CAMSAP2: variants seen among roughly 807,000 people sequenced by gnomAD.
CAMSAP2 encodes calmodulin-regulated spectrin-associated protein 2.
CAMSAP2 carries 26 observed loss-of-function variants against 146.1 expected under a neutral mutation model. The observed-to-expected ratio is 0.18, with a 90% CI of 0.13 to 0.25. The LOEUF (loss-of-function observed/expected upper bound fraction) is 0.25, where lower values mean the gene tolerates loss of function less well. Ranked by LOEUF, CAMSAP2 falls within the 10% of genes least tolerant of loss-of-function variation. The pLI is 1.00. For missense variants in CAMSAP2, 1,381 were observed against 1,759.3 expected (o/e 0.78, Z 3.85); for synonymous variants, 499 against 596.6 (o/e 0.84, Z 2.38).
intron 4 of CAMSAP2, among the ~76,000 whole-genome samples, chr1:200,819,838 G>A (rs1432827558): frequency 5.3e-5 from 8 of 152,050 alleles, no homozygotes; most frequent in Non-Finnish European, 1.2e-4. Flanking sequence ...ATATCTAGGA[G>A]TACCTTCTAG....
At chr1:200,746,089 G>C (rs752821141) in intron 1 of CAMSAP2, among the ~76,000 whole-genome samples, 25 of 152,206 alleles carry the variant, frequency 1.6e-4, no homozygotes, top group Non-Finnish European at 3.4e-4. Flanking sequence ...ATCATCAGAA[G>C]ATTTGTTTTT....
chr1:200,744,914 T>C (rs1664278645), intron 1 of CAMSAP2, among the ~76,000 whole-genome samples: 1 of 151,908 alleles, frequency 6.6e-6, no homozygotes, highest in Non-Finnish European at 1.5e-5. Flanking sequence ...GACAGAATTA[T>C]GTGAAGGGTG....
chr1:200,849,450 TACA>T lies in CAMSAP2; in HGVS notation c.2686_2688del (p.Gln896del). 1 of 1,614,238 alleles carries T rather than the reference TACA, an allele frequency of 6.2e-7. No homozygotes were observed. Among genetic ancestry groups the T allele is most frequent in the Non-Finnish European group, 8.5e-7 (1 of 1,180,026 alleles). On this transcript the variant is annotated inframe_deletion, in exon 11 of 17. Coordinates refer to ENST00000358823, the MANE Select transcript of CAMSAP2 (RefSeq NM_203459.4). This position sits in a 1 kb window ranked among gnomAD's most constrained non-coding sequence, Gnocchi z 6.3. ...AAGTTAAATTCATCCCTGCATTTTCTACAACAAGAAATGCAACGCTTGTCACTT... is the reference window on the plus strand; with the variant it reads ...AAGTTAAATTCATCCCTGCATTTTCTACAAGAAATGCAACGCTTGTCACTT...
At chr1:200,844,276 G>C (rs146575426) in intron 7 of CAMSAP2, among the ~76,000 whole-genome samples, 1 of 151,930 alleles carries the variant, frequency 6.6e-6, no homozygotes, top group South Asian at 2.1e-4. Context: ...TTGGCTGGGC[G>C]TGGTGGCTTA....
chr1:200,787,532 A>G lies in CAMSAP2; in HGVS notation c.400-19844A>G, dbSNP rs183444989. On this transcript the variant is annotated intron_variant, in intron 2 of 16. Coordinates refer to ENST00000358823, the MANE Select transcript of CAMSAP2 (RefSeq NM_203459.4). The stretch of plus-strand genomic sequence containing the variant: ...TTGTCTGGATGAGGAGTTGCTTCTT[A>G]CAGATGAGCAAAGTGGTTTCTTGTG... 4.6e-3 allele frequency among the ~76,000 whole-genome samples: 702 copies of G among 152,348 alleles called. 3 individuals are homozygous for G. The highest frequency in any genetic ancestry group is 7.9e-3 in the Non-Finnish European group (535 of 68,036).
At position 200,847,632 on chromosome 1, in the gene CAMSAP2, A is replaced by G; in HGVS notation, c.1193-8A>G. Reference sequence around the variant, plus strand: ...ATTTCAATGGCTTTTTCTTTTTTGCATTTGAAGGAGGAATTAGAAGGTCTT... The same window carrying G: ...ATTTCAATGGCTTTTTCTTTTTTGCGTTTGAAGGAGGAATTAGAAGGTCTT... On this transcript the variant is annotated splice_polypyrimidine_tract_variant and splice_region_variant and intron_variant, in intron 9 of 16. Coordinates refer to ENST00000358823, the MANE Select transcript of CAMSAP2 (RefSeq NM_203459.4). The G allele has an allele frequency of 2.5e-6, 4 of 1,604,760 alleles. No homozygotes were observed. Among genetic ancestry groups the G allele is most frequent in the Non-Finnish European group, 3.4e-6 (4 of 1,175,988 alleles).
intron 2 of CAMSAP2, among the ~76,000 whole-genome samples, chr1:200,778,984 A>G (rs1424052481): frequency 6.6e-6 from 1 of 152,184 alleles, no homozygotes; most frequent in Non-Finnish European, 1.5e-5. Flanking sequence ...AGAGACCTGA[A>G]CAAATCGTGG....
At chr1:200,815,973 A>G (rs975368426) in intron 4 of CAMSAP2, among the ~76,000 whole-genome samples, 1 of 152,244 alleles carries the variant, frequency 6.6e-6, no homozygotes, top group African/African-American at 2.4e-5. Flanking sequence ...ATGACATGCA[A>G]TGCAGCAAGA....
intron 7 of CAMSAP2, among the ~76,000 whole-genome samples, chr1:200,843,420 A>C (rs1340363201): frequency 6.6e-6 from 1 of 152,234 alleles, no homozygotes. Context: ...ATATCGAGTC[A>C]CTATATAACA....
rs749539841 is a variant in CAMSAP2, at chr1:200,832,270, A to T, written c.716A>T (p.Lys239Met). 6.2e-7 allele frequency: 1 copy of T among 1,613,678 alleles called. No individual in the cohort carries two copies. The highest frequency in any genetic ancestry group is 1.1e-5 in the South Asian group (1 of 91,036). The change falls in exon 5 of 17, where the codon AAG becomes ATG. Residue 239 changes from lysine (K) to methionine (M), a missense_variant. Lys to Met is a moderately conservative substitution (Grantham distance 95, BLOSUM62 -1). Around this residue, in one of 4 missense-constraint regions of CAMSAP2, gnomAD observed 284 missense variants for 406.9 expected, o/e 0.70. Coordinates refer to ENST00000358823, the MANE Select transcript of CAMSAP2 (RefSeq NM_203459.4). This position sits in a 1 kb window ranked among gnomAD's most constrained non-coding sequence, Gnocchi z 4.2. The part of the protein sequence containing the change: ...PCIPLVENLL[K>M]DGTDGCALAA... The stretch of plus-strand genomic sequence containing the variant: ...ATTCCATTGGTAGAAAATTTGTTGA[A>T]GGATGGGACAGATGGCTGTGCATTA...
chr1:200,767,813 C>T (rs1309900972), intron 2 of CAMSAP2, among the ~76,000 whole-genome samples: 1 of 152,168 alleles, frequency 6.6e-6, no homozygotes, highest in African/African-American at 2.4e-5. Context: ...GTTTACTACT[C>T]ATGTACCTAA....
At chr1:200,750,273 A>G (rs563808624) in intron 1 of CAMSAP2, among the ~76,000 whole-genome samples, 10 of 152,190 alleles carry the variant, frequency 6.6e-5, no homozygotes, top group African/African-American at 2.4e-4. Context: ...AATGGATTTT[A>G]TTTATGGTTG....
Position 200,857,298 on chromosome 1 carries a change from T to A in CAMSAP2, c.4013-8T>A. The A allele has an allele frequency of 6.5e-7, 1 of 1,540,066 alleles. No individual in the cohort carries two copies. Among genetic ancestry groups the A allele is most frequent in the Non-Finnish European group, 9.0e-7 (1 of 1,114,974 alleles). The stretch of plus-strand genomic sequence containing the variant: ...ATTTTTATTATTGTTGTTAAATCCC[T>A]ACCATAGGACCAAAGCTCTACAAAG... On this transcript the variant is annotated splice_polypyrimidine_tract_variant and splice_region_variant and intron_variant, in intron 15 of 16. Transcript: ENST00000358823. This position sits in a 1 kb window ranked among gnomAD's most constrained non-coding sequence, Gnocchi z 4.7.
intron 1 of CAMSAP2, among the ~76,000 whole-genome samples, chr1:200,740,794 A>G (rs376980352): frequency 6.6e-6 from 1 of 152,190 alleles, no homozygotes; most frequent in East Asian, 1.9e-4. Context: ...GCCTCCCGTT[A>G]TGATTCTTTA....
chr1:200,839,445 G>A (rs1389737073), intron 6 of CAMSAP2, among the ~76,000 whole-genome samples: 1 of 152,130 alleles, frequency 6.6e-6, no homozygotes, highest in Non-Finnish European at 1.5e-5. Context: ...TTTGATGGGA[G>A]GGATTTGAGC....
Position 200,746,718 on chromosome 1 carries a change from T to A in CAMSAP2, c.139+6752T>A, listed in dbSNP as rs577245748. On this transcript the variant is annotated intron_variant, in intron 1 of 16. Coordinates refer to ENST00000358823, the MANE Select transcript of CAMSAP2 (RefSeq NM_203459.4). ...ACTGCAAGCTCCGCCTCCCGGGTTC[T>A]CGCCATTCTCCTGCCTCAGCCTCCC... Among the ~76,000 whole-genome samples the A allele has an allele frequency of 5.7e-4, 86 of 151,578 alleles. 1 individual carries two copies. The highest frequency in any genetic ancestry group is 1.1e-3 in the Non-Finnish European group (72 of 67,844).
At chr1:200,847,330 A>G (rs1315343262) in intron 9 of CAMSAP2, 38 bp downstream of exon 9, 6 of 1,396,972 alleles carry the variant, frequency 4.3e-6, no homozygotes, top group Middle Eastern at 3.5e-4. Context: ...ATACTCTTTT[A>G]AGTAGGTTAC....
rs1667527264 is a variant in CAMSAP2 at position 200,848,650 on chromosome 1, T to G, written c.1881T>G (p.Ser627=). Residue 627 remains serine (S), a synonymous_variant, in exon 11 of 17, where the codon TCT becomes TCG. Transcript: ENST00000358823. ...EDIPETMDED[S]SLRDYTVSLD... is the part of the protein sequence containing the mutation. ...TTCCTGAAACTATGGACGAAGATTC[T>G]TCGTTGAGAGATTATACTGTAAGCT... 2 of 1,614,022 alleles carry G rather than the reference T, an allele frequency of 1.2e-6. No homozygotes were observed. Among genetic ancestry groups the G allele is most frequent in the African/African-American group, 2.7e-5 (2 of 74,914 alleles).
At chr1:200,822,762 C>T (rs1207397464) in intron 4 of CAMSAP2, among the ~76,000 whole-genome samples, 3 of 152,196 alleles carry the variant, frequency 2.0e-5, no homozygotes, top group Admixed American at 6.5e-5. Flanking sequence ...CAGCAATGGG[C>T]AGGTAGCATA....
Sources: gnomAD v4.1 joint callset for allele counts (sites outside exome capture counted in the v4.1 genomes callset) on GRCh38, gnomAD v4.1.1 for gene constraint, gnomAD v4.1.1 regional missense constraint, Gnocchi (gnomAD v3.1) non-coding constraint, MANE v1.5 for transcripts, NCBI Gene and HGNC (gene_info 2026-07-23, HGNC 2026-07-21) for gene names.